Variants in PRKG1 observed in about 807,000 individuals in gnomAD.
PRKG1 encodes the protein cGMP-dependent protein kinase 1.
In PRKG1, 35 loss-of-function variants were observed where a neutral mutation model predicts 88.1. The ratio of observed to expected loss-of-function variants is 0.40; its 90% CI spans 0.30 to 0.53. The LOEUF is 0.53. PRKG1 is among the 20% of genes least tolerant of loss of function. PRKG1 has a pLI of 0.59. For missense variants in PRKG1, 540 were observed against 839.8 expected, an observed-to-expected ratio of 0.64 and a Z score of 4.41; for synonymous variants, 303 against 292.5, an observed-to-expected ratio of 1.04 and a Z score of -0.37.
At chr10:51,574,184 G>A (rs780725029) in intron 3 of PRKG1, among the ~76,000 whole-genome samples, 2 of 151,836 alleles carry the variant, frequency 1.3e-5, no homozygotes, top group Non-Finnish European at 1.5e-5. Context: ...TGATTTGTGT[G>A]GCTCTCATCT....
intron 4 of PRKG1, among the ~76,000 whole-genome samples, chr10:51,892,755 A>G (rs1296206848): frequency 6.6e-6 from 1 of 152,202 alleles, no homozygotes; most frequent in African/African-American, 2.4e-5. Flanking sequence ...AGCCCTGCAC[A>G]TTGAAGATGT....
At chr10:51,298,885 C>T (rs115343574) in intron 2 of PRKG1, among the ~76,000 whole-genome samples, 356 of 152,192 alleles carry the variant, frequency 2.3e-3, no homozygotes, top group African/African-American at 7.9e-3. Flanking sequence ...AGGTTGGAAG[C>T]TTGATTGCTG....
rs34730000 is a variant in PRKG1 at position 52,193,548 on chromosome 10, C to CAAAAAAAAAAA, written c.1076+31589_1076+31599dup. Among the ~76,000 whole-genome samples, 19 of 42,820 alleles carry CAAAAAAAAAAA rather than the reference C, an allele frequency of 4.4e-4. 1 individual carries two copies. The highest frequency in any genetic ancestry group is 1.4e-3 in the African/African-American group (19 of 13,510). 28.1% of individuals were successfully genotyped at this position (42,820 alleles called of 152,430 possible). ...GAACAAAAAGAGTGAGACTCTGTCT[C>CAAAAAAAAAAA]AAAAAAAAAAAAAACAAAAAAAAAA... is the stretch of plus-strand genomic sequence containing the variant. On this transcript the variant is annotated intron_variant, in intron 9 of 17. Transcript: ENST00000373980.
At chr10:51,404,921 G>A (rs1282881217) in intron 2 of PRKG1, among the ~76,000 whole-genome samples, 1 of 152,070 alleles carries the variant, frequency 6.6e-6, no homozygotes, top group Non-Finnish European at 1.5e-5. Context: ...GGTGAACACA[G>A]GACTTTCTTA....
chr10:52,037,341 A>T (rs1845643490), intron 5 of PRKG1, among the ~76,000 whole-genome samples: 1 of 152,176 alleles, frequency 6.6e-6, no homozygotes, highest in African/African-American at 2.4e-5. Context: ...GAGGCAAGGA[A>T]TTGCAACATT....
chr10:51,982,179 T>G (rs535190249), intron 5 of PRKG1, among the ~76,000 whole-genome samples: 13 of 152,226 alleles, frequency 8.5e-5, no homozygotes, highest in Non-Finnish European at 8.8e-5. Flanking sequence ...TACATTCTTT[T>G]CTATACTGGC....
At chr10:51,315,657 TA>T (rs1841300237) in intron 2 of PRKG1, among the ~76,000 whole-genome samples, 1 of 152,184 alleles carries the variant, frequency 6.6e-6, no homozygotes. Flanking sequence ...TGAGACCACA[TA>T]GCCAATAAAT....
intron 3 of PRKG1, among the ~76,000 whole-genome samples, chr10:51,479,352 C>T (rs1250141549): frequency 6.6e-6 from 1 of 152,024 alleles, no homozygotes; most frequent in Admixed American, 6.6e-5. Context: ...GGCCTTCATT[C>T]TTTCTCTTCC....
chr10:51,374,093 A>AAAATATATATATATATATATATATAT, intron 2 of PRKG1, among the ~76,000 whole-genome samples: 59 of 100,064 alleles, frequency 5.9e-4, no homozygotes, highest in South Asian at 2.1e-3. Flanking sequence ...AAAAAAAAAA[A>AAAATATATATATATATATATATATAT]ATATATATAT....
intron 1 of PRKG1, among the ~76,000 whole-genome samples, chr10:51,030,232 TTATCTATAATTTATA>T (rs1843266065): frequency 6.6e-6 from 1 of 152,088 alleles, no homozygotes; most frequent in South Asian, 2.1e-4. Flanking sequence ...TTTTGATAAA[TTATCTATAATTTATA>T]ACTGTCAGAG....
intron 5 of PRKG1, among the ~76,000 whole-genome samples, chr10:51,918,952 C>T (rs1461124183): frequency 6.6e-6 from 1 of 152,030 alleles, no homozygotes; most frequent in East Asian, 1.9e-4. Flanking sequence ...GAATAGAAGC[C>T]CACTCGTGCT....
chr10:51,850,461 G>A (rs1386572327), intron 4 of PRKG1, among the ~76,000 whole-genome samples: 3 of 151,992 alleles, frequency 2.0e-5, no homozygotes, highest in Middle Eastern at 3.5e-3. Context: ...ACAGGCATAA[G>A]CCACAGTGTC....
intron 10 of PRKG1, among the ~76,000 whole-genome samples, chr10:52,268,911 T>C (rs1351381320): frequency 1.3e-5 from 2 of 151,914 alleles, no homozygotes; most frequent in African/African-American, 2.4e-5. Flanking sequence ...TCTGGTATTA[T>C]CCTCAGCTAG....
intron 3 of PRKG1, among the ~76,000 whole-genome samples, chr10:51,729,317 C>T (rs1425407944): frequency 6.6e-6 from 1 of 152,120 alleles, no homozygotes; most frequent in African/African-American, 2.4e-5. Context: ...ATAACTCAAA[C>T]ATTTTTCTAG....
intron 1 of PRKG1, among the ~76,000 whole-genome samples, chr10:51,104,418 C>T (rs930818535): frequency 3.9e-5 from 6 of 152,110 alleles, no homozygotes; most frequent in South Asian, 2.1e-4. Flanking sequence ...TGACAAAATG[C>T]GTGACAAGAG....
chr10:52,156,896 C>T (rs1308731602), intron 8 of PRKG1, among the ~76,000 whole-genome samples: 1 of 151,556 alleles, frequency 6.6e-6, no homozygotes, highest in East Asian at 1.9e-4. Context: ...CAAAGCATAA[C>T]GGTATAGCCT....
chr10:51,601,014 AG>A (rs1448568708), intron 3 of PRKG1, among the ~76,000 whole-genome samples: 1 of 149,828 alleles, frequency 6.7e-6, no homozygotes, highest in African/African-American at 2.4e-5. Context: ...GGGGAAAAGA[AG>A]AAGGGAGGGA....
intron 3 of PRKG1, among the ~76,000 whole-genome samples, chr10:51,657,001 T>A (rs1250140946): frequency 6.6e-6 from 1 of 152,166 alleles, no homozygotes; most frequent in Non-Finnish European, 1.5e-5. Flanking sequence ...TTTTCTCACC[T>A]GTAAAAGAAG....
chr10:52,151,501 A>G (rs993580229), intron 8 of PRKG1, among the ~76,000 whole-genome samples: 1 of 152,242 alleles, frequency 6.6e-6, no homozygotes, highest in African/African-American at 2.4e-5. Flanking sequence ...AACATATGTG[A>G]AACTTATCAT....
Sources: gnomAD v4.1 joint callset for allele counts (sites outside exome capture counted in the v4.1 genomes callset) on GRCh38, gnomAD v4.1.1 for gene constraint, MANE v1.5 for transcripts, NCBI Gene and HGNC (gene_info 2026-07-23, HGNC 2026-07-21) for gene names.